Variants in NRG3 observed in about 807,000 individuals in gnomAD.
NRG3 encodes pro-neuregulin-3, membrane-bound isoform.
NRG3 carries 31 observed loss-of-function variants against 66.9 expected under a neutral mutation model. The ratio of observed to expected loss-of-function variants is 0.46; its 90% CI spans 0.35 to 0.63. The LOEUF is 0.63. Ranked by LOEUF, NRG3 falls within the 20% of genes least tolerant of loss-of-function variation. The pLI, the probability that NRG3 is intolerant of heterozygous loss-of-function variation, is 0.00. For missense variants in NRG3, 910 were observed against 878.9 expected, an observed-to-expected ratio of 1.04 and a Z score of -0.45; for synonymous variants, 393 against 359.4, an observed-to-expected ratio of 1.09 and a Z score of -1.06.
chr10:82,676,080 T>C (rs78048656), intron 2 of NRG3, among the ~76,000 whole-genome samples: 6,526 of 152,140 alleles, frequency 0.043, 470 homozygotes, highest in African/African-American at 0.15. Flanking sequence ...TGCTTAAAAT[T>C]AACAGGAAAA....
At chr10:81,947,722 G>A (rs771804339) in intron 1 of NRG3, among the ~76,000 whole-genome samples, 4 of 151,830 alleles carry the variant, frequency 2.6e-5, no homozygotes, top group Non-Finnish European at 4.4e-5. Flanking sequence ...CACACCTGAA[G>A]TGTATGACCT....
intron 1 of NRG3, among the ~76,000 whole-genome samples, chr10:81,982,484 G>A (rs58942672): frequency 0.015 from 2,215 of 152,108 alleles, 53 homozygotes; most frequent in African/African-American, 0.051. Context: ...ATCCCACATC[G>A]TGGTACCAAA....
At chr10:82,736,235 T>G (rs998762346) in intron 2 of NRG3, among the ~76,000 whole-genome samples, 2 of 152,204 alleles carry the variant, frequency 1.3e-5, no homozygotes, top group African/African-American at 4.8e-5. Flanking sequence ...CCAACTTCAA[T>G]CTATGCACTA....
chr10:82,888,617 G>A (rs939845550), intron 4 of NRG3, among the ~76,000 whole-genome samples: 3 of 152,082 alleles, frequency 2.0e-5, no homozygotes, highest in Non-Finnish European at 2.9e-5. Flanking sequence ...TCATTTTATA[G>A]GTATTGGGAA....
chr10:82,308,624 G>A (rs1234872989), intron 1 of NRG3, among the ~76,000 whole-genome samples: 1 of 152,098 alleles, frequency 6.6e-6, no homozygotes, highest in East Asian at 1.9e-4. Flanking sequence ...CTAGACATAT[G>A]CAGCCATGTT....
chr10:82,946,187 A>G (rs1162883958), intron 4 of NRG3, among the ~76,000 whole-genome samples: 1 of 151,032 alleles, frequency 6.6e-6, no homozygotes, highest in Non-Finnish European at 1.5e-5. Flanking sequence ...GGCTCTTTGA[A>G]CTAGTGACAT....
intron 2 of NRG3, among the ~76,000 whole-genome samples, chr10:82,473,919 G>A (rs1841511853): frequency 6.6e-6 from 1 of 152,098 alleles, no homozygotes; most frequent in South Asian, 2.1e-4. Context: ...GAATACAATT[G>A]AACAGCTAAG....
At chr10:82,690,994 CCT>C (rs1382702747) in intron 2 of NRG3, among the ~76,000 whole-genome samples, 3 of 152,110 alleles carry the variant, frequency 2.0e-5, no homozygotes, top group East Asian at 3.9e-4. Flanking sequence ...TTCTTCTCCT[CCT>C]CTTTCTTCTT....
intron 3 of NRG3, among the ~76,000 whole-genome samples, chr10:82,782,922 C>T (rs2060180283): frequency 2.0e-5 from 3 of 152,154 alleles, no homozygotes; most frequent in Admixed American, 1.3e-4. Context: ...GAATTTTAGA[C>T]CAATATCCTT....
intron 2 of NRG3, among the ~76,000 whole-genome samples, chr10:82,603,759 G>A (rs669123): frequency 0.079 from 12,075 of 151,916 alleles, 594 homozygotes; most frequent in East Asian, 0.15. Context: ...CTTTTATGTA[G>A]GATTAATTTA....
chr10:81,888,112 G>C (rs1842753686), intron 1 of NRG3, among the ~76,000 whole-genome samples: 1 of 152,088 alleles, frequency 6.6e-6, no homozygotes, highest in African/African-American at 2.4e-5. Flanking sequence ...AGCTCTGAAA[G>C]TTTGTTGTTG....
chr10:82,718,034 A>G (rs2057080824), intron 2 of NRG3, among the ~76,000 whole-genome samples: 1 of 152,108 alleles, frequency 6.6e-6, no homozygotes. Context: ...TCACTAACAT[A>G]TTCCTCTGAG....
chr10:82,474,083 A>T (rs1269598571), intron 2 of NRG3, among the ~76,000 whole-genome samples: 1 of 152,098 alleles, frequency 6.6e-6, no homozygotes, highest in African/African-American at 2.4e-5. Context: ...GAGGACTTTA[A>T]GGCTTTATGT....
intron 1 of NRG3, among the ~76,000 whole-genome samples, chr10:82,287,264 C>T (rs1461126711): frequency 6.6e-6 from 1 of 151,878 alleles, no homozygotes; most frequent in Non-Finnish European, 1.5e-5. Context: ...AAAAGTGTGG[C>T]CCCTGCCCCA....
At chr10:82,079,031 T>C (rs2065242274) in intron 1 of NRG3, among the ~76,000 whole-genome samples, 1 of 152,210 alleles carries the variant, frequency 6.6e-6, no homozygotes, top group African/African-American at 2.4e-5. Context: ...TTGTATTAAT[T>C]AATGAATTCT....
chr10:82,902,883 A>G (rs983797600), intron 4 of NRG3, among the ~76,000 whole-genome samples: 2 of 151,966 alleles, frequency 1.3e-5, no homozygotes, highest in Non-Finnish European at 2.9e-5. Flanking sequence ...GCAATTTTTT[A>G]TAATATATTG....
rs1367878259 is a variant in NRG3 at position 82,981,511 on chromosome 10, TA to T, written c.1583+2394del. Among the ~76,000 whole-genome samples the T allele has an allele frequency of 2.0e-5, 3 of 152,298 alleles. No individual in the cohort carries two copies. In the East Asian group the frequency reaches 5.8e-4, roughly 30 times the overall value. ...GAATTTCACAGCTAAAGGCCGTCTT[TA>T]AATCTGGCCCCAGCCTGGAGGAGGG... On this transcript the variant is annotated intron_variant, in intron 8 of 8. Coordinates refer to ENST00000372141, the MANE Select transcript of NRG3 (RefSeq NM_001010848.4).
chr10:82,113,044 T>C (rs532439968), intron 1 of NRG3, among the ~76,000 whole-genome samples: 1 of 152,298 alleles, frequency 6.6e-6, no homozygotes, highest in East Asian at 1.9e-4. Flanking sequence ...CTTGATTTGC[T>C]TATATTTACC....
Position 82,508,990 on chromosome 10 carries a change from C to A in NRG3, c.953+150122C>A, listed in dbSNP as rs141280135. On this transcript the variant is annotated intron_variant, in intron 2 of 8. Transcript: ENST00000372141. ...TACAACTTAACTCCCTACCTTGTTT[C>A]TCATGACATTCAAAGACATAACTTT... Among the ~76,000 whole-genome samples, 572 of 152,324 alleles carry A rather than the reference C, an allele frequency of 3.8e-3. 5 individuals carry two copies. The highest frequency in any genetic ancestry group is 0.013 in the African/African-American group (560 of 41,570).
Sources: gnomAD v4.1 joint callset for allele counts (sites outside exome capture counted in the v4.1 genomes callset) on GRCh38, gnomAD v4.1.1 for gene constraint, MANE v1.5 for transcripts, NCBI Gene and HGNC (gene_info 2026-07-23, HGNC 2026-07-21) for gene names.